Variants in OCA2 observed in about 807,000 individuals in gnomAD.
OCA2 encodes the protein P protein.
Under a neutral mutation model 100.2 loss-of-function variants are expected in OCA2, and 77 were observed. The ratio of observed to expected loss-of-function variants is 0.77; its 90% CI spans 0.64 to 0.93. The LOEUF is 0.93. Among genes scored for constraint, OCA2 ranks in the 40% least tolerant of loss-of-function variants. The probability of loss-of-function intolerance (pLI) is 0.00; values close to 1 mark genes in which losing one functional copy is unlikely to be tolerated. For missense variants in OCA2, 1,062 were observed against 1,089.1 expected, an observed-to-expected ratio of 0.98 and a Z score of 0.35; for synonymous variants, 432 against 439.2, an observed-to-expected ratio of 0.98 and a Z score of 0.21.
intron 19 of OCA2, 98 bp from the exon 20 acceptor site, chr15:27,872,020 G>A: frequency 1.2e-6 from 1 of 867,962 alleles, no homozygotes; most frequent in Admixed American, 1.8e-5. Context: ...TGAACATAAG[G>A]TAGGCCCAGA....
At chr15:28,022,973 G>C (rs182638375) in intron 5 of OCA2, among the ~76,000 whole-genome samples, 2 of 152,332 alleles carry the variant, frequency 1.3e-5, no homozygotes, top group East Asian at 3.9e-4. Flanking sequence ...TTAAACTGAT[G>C]ATAACATGAG....
chr15:27,997,840 CTCTTT>C lies in OCA2; in HGVS notation c.1045-7198_1045-7194del, dbSNP rs535452102. Among the ~76,000 whole-genome samples the C allele has an allele frequency of 9.8e-3, 1,313 of 133,538 alleles. 34 individuals carry two copies. Among genetic ancestry groups the C allele is most frequent in the African/African-American group, 0.032 (1,270 of 40,116 alleles). The allele number at this position is 133,538 out of a possible 152,430, so 87.6% of individuals were successfully genotyped here. A position where few individuals can be genotyped will look rare whatever the true frequency, so the allele number is the denominator to read the frequency against. The stretch of plus-strand genomic sequence containing the variant: ...GAATGTTCTTCCATTTGTTTGTATT[CTCTTT>C]TATTTCATTGAGCAGTGATTTGTAG... On this transcript the variant is annotated intron_variant, in intron 9 of 23. Transcript: ENST00000354638.
intron 2 of OCA2, 66 bp downstream of exon 2, chr15:28,081,582 C>T (rs541297467): frequency 1.5e-5 from 22 of 1,484,380 alleles, no homozygotes; most frequent in South Asian, 2.3e-5. Flanking sequence ...CGTGGGGGAA[C>T]GATGCTCATG....
intron 23 of OCA2, among the ~76,000 whole-genome samples, chr15:27,771,297 TG>T (rs1204509427): frequency 1.3e-5 from 2 of 151,314 alleles, no homozygotes; most frequent in African/African-American, 4.9e-5. Flanking sequence ...ACAGCGCTAC[TG>T]CCACTCCACG....
intron 9 of OCA2, among the ~76,000 whole-genome samples, chr15:28,000,977 G>A (rs2041906683): frequency 6.6e-6 from 1 of 152,200 alleles, no homozygotes; most frequent in African/African-American, 2.4e-5. Flanking sequence ...TGGGTAGGAT[G>A]TGAAGAAAAG....
chr15:28,028,053 C>T lies in OCA2; in HGVS notation c.333G>A (p.Arg111=). The T allele has an allele frequency of 6.2e-7, 1 of 1,614,196 alleles. No individual in the cohort carries two copies. The highest frequency in any genetic ancestry group is 8.5e-7 in the Non-Finnish European group (1 of 1,180,038). ...LRNSLQEKGS[R]CIPVYHPEFI... is the part of the protein sequence containing the mutation. ...ACTCTGGATGGTAAACAGGTATGCACCGTGACCTGGAAAGCAAGAGAGGTG... is the reference window on the plus strand; with the variant it reads ...ACTCTGGATGGTAAACAGGTATGCATCGTGACCTGGAAAGCAAGAGAGGTG... The change falls in exon 4 of 24, where the codon CGG becomes CGA. Residue 111 remains arginine, a synonymous_variant. Transcript: ENST00000354638.
the OCA2 span, among the ~76,000 whole-genome samples, chr15:27,729,048 A>T: frequency 6.6e-6 from 1 of 152,160 alleles, no homozygotes; most frequent in South Asian, 2.1e-4. Context: ...AATCACTTAC[A>T]GGTTCTGCTT....
At chr15:27,897,370 A>G (rs1163866607) in intron 19 of OCA2, among the ~76,000 whole-genome samples, 1 of 151,944 alleles carries the variant, frequency 6.6e-6, no homozygotes, top group African/African-American at 2.4e-5. Context: ...GGTCGGGCCC[A>G]GCACCTCCCT....
At chr15:27,857,408 T>C (rs2035983335) in intron 21 of OCA2, among the ~76,000 whole-genome samples, 1 of 152,102 alleles carries the variant, frequency 6.6e-6, no homozygotes, top group South Asian at 2.1e-4. Context: ...CTTGGGGGAC[T>C]AGGGAATGGG....
intron 23 of OCA2, among the ~76,000 whole-genome samples, chr15:27,796,660 A>T (rs1239933767): frequency 6.6e-6 from 1 of 152,238 alleles, no homozygotes; most frequent in Admixed American, 6.5e-5. Flanking sequence ...CTAAGCACGG[A>T]GTCCTGCCAG....
At chr15:27,965,219 G>T (rs1293223291) in intron 15 of OCA2, among the ~76,000 whole-genome samples, 1 of 152,108 alleles carries the variant, frequency 6.6e-6, no homozygotes, top group South Asian at 2.1e-4. Context: ...TATCCACCAC[G>T]ATCACAGTCT....
the OCA2 span, among the ~76,000 whole-genome samples, chr15:27,744,198 A>G: frequency 6.6e-6 from 1 of 151,984 alleles, no homozygotes; most frequent in East Asian, 1.9e-4. Flanking sequence ...GCCCCTCCGC[A>G]CCCTCAGCCT....
chr15:27,903,002 G>T (rs543242693), intron 19 of OCA2, among the ~76,000 whole-genome samples: 1 of 152,190 alleles, frequency 6.6e-6, no homozygotes, highest in Non-Finnish European at 1.5e-5. Flanking sequence ...CAGGGCACCC[G>T]GGTCAGGGAG....
intron 23 of OCA2, among the ~76,000 whole-genome samples, chr15:27,758,474 T>C (rs1302670728): frequency 1.3e-5 from 2 of 152,232 alleles, no homozygotes; most frequent in Non-Finnish European, 2.9e-5. Context: ...CAGGGGTGTT[T>C]CAAGTTGAAT....
chr15:28,016,292 A>G, intron 7 of OCA2, 106 bp from the exon 8 acceptor site: 4 of 893,470 alleles, frequency 4.5e-6, no homozygotes, highest in Non-Finnish European at 7.5e-6. Flanking sequence ...GAAAAGGAGA[A>G]AGAAAGAAAC....
chr15:27,897,834 G>A (rs1167490549), intron 19 of OCA2, among the ~76,000 whole-genome samples: 1 of 152,170 alleles, frequency 6.6e-6, no homozygotes, highest in Non-Finnish European at 1.5e-5. Flanking sequence ...AGGCAGCGGG[G>A]ACGGAGGCTG....
chr15:27,996,304 G>A (rs1000667258), intron 9 of OCA2, among the ~76,000 whole-genome samples: 32 of 152,176 alleles, frequency 2.1e-4, no homozygotes, highest in African/African-American at 7.5e-4. Context: ...ACACTACAGT[G>A]TATAAATGAA....
In OCA2 at chr15:27,819,928, C is replaced by A. The variant is rs114148035; in HGVS notation, c.2432+25031G>T. On this transcript the variant is annotated intron_variant, in intron 23 of 23. Transcript: ENST00000354638. ...TGGAGCAGGAAGTATATAAGATGAG[C>A]GTGGAACATATCGCAGTGCTCTAAA... is the stretch of plus-strand genomic sequence containing the variant. Among the ~76,000 whole-genome samples the A allele has an allele frequency of 4.7e-3, 720 of 152,102 alleles. 2 individuals are homozygous for A. The highest frequency in any genetic ancestry group is 0.016 in the African/African-American group (650 of 41,492).
rs1030736539 is a variant in OCA2 at position 28,059,984 on chromosome 15, T to C, written c.227+21664A>G. On this transcript the variant is annotated intron_variant, in intron 2 of 23. Coordinates refer to ENST00000354638, the MANE Select transcript of OCA2 (RefSeq NM_000275.3). ...CCCACCCAAGGAGCAGCACACACAA[T>C]GGCACCATGAAAGGGGAAGGCTGTG... is the stretch of plus-strand genomic sequence containing the variant. Among the ~76,000 whole-genome samples, 5 of 152,294 alleles carry C rather than the reference T, an allele frequency of 3.3e-5. No individual in the cohort carries two copies. In the East Asian group the frequency reaches 5.8e-4, roughly 18 times the overall value.
Sources: gnomAD v4.1 joint callset for allele counts (sites outside exome capture counted in the v4.1 genomes callset) on GRCh38, gnomAD v4.1.1 for gene constraint, MANE v1.5 for transcripts, NCBI Gene and HGNC (gene_info 2026-07-23, HGNC 2026-07-21) for gene names.